The following SLC16A7 variants were observed in gnomAD, a reference collection of about 807,000 sequenced individuals.
The protein encoded by SLC16A7 is solute carrier family 16 member 7.
A neutral mutation model predicts 34.9 loss-of-function variants in SLC16A7; 33 were observed. The observed-to-expected ratio is 0.94, with a 90% confidence interval of 0.72 to 1.26. The LOEUF is 1.26. Among genes scored for constraint, SLC16A7 ranks in the 50% most tolerant of loss-of-function variants. The probability of loss-of-function intolerance (pLI) is 0.00; values close to 1 mark genes in which losing one functional copy is unlikely to be tolerated. For missense variants in SLC16A7, 573 were observed against 578.1 expected, an observed-to-expected ratio of 0.99 and a Z score of 0.09; for synonymous variants, 201 against 206.6, an observed-to-expected ratio of 0.97 and a Z score of 0.23.
intron 2 of SLC16A7, among the ~76,000 whole-genome samples, chr12:59,659,949 G>C (rs1486483437): frequency 6.6e-6 from 1 of 152,068 alleles, no homozygotes; most frequent in Non-Finnish European, 1.5e-5. Context: ...TAGTTGAGAA[G>C]CCTGGGGGTA....
At chr12:59,713,549 G>C (rs765653231) in intron 3 of SLC16A7, among the ~76,000 whole-genome samples, 9 of 152,162 alleles carry the variant, frequency 5.9e-5, no homozygotes, top group African/African-American at 9.7e-5. Context: ...CATTATAATA[G>C]TAGTGACTTT....
intron 1 of SLC16A7, among the ~76,000 whole-genome samples, chr12:59,600,974 C>T (rs947851878): frequency 2.0e-5 from 3 of 152,130 alleles, no homozygotes; most frequent in Admixed American, 6.5e-5. Context: ...AAGGTACTTT[C>T]GTTAAGTTCC....
intron 3 of SLC16A7, among the ~76,000 whole-genome samples, chr12:59,744,505 T>G (rs1878675846): frequency 6.6e-6 from 1 of 152,044 alleles, no homozygotes; most frequent in Admixed American, 6.5e-5. Flanking sequence ...AACAAAATCC[T>G]CCATATTCAC....
chr12:59,699,020 A>T (rs1174263136), intron 2 of SLC16A7, among the ~76,000 whole-genome samples: 3 of 151,748 alleles, frequency 2.0e-5, no homozygotes, highest in Non-Finnish European at 4.4e-5. Context: ...AAGCTATAGC[A>T]GAGTATTCAC....
At chr12:59,598,169 C>T (rs1161792093) in intron 1 of SLC16A7, among the ~76,000 whole-genome samples, 1 of 152,172 alleles carries the variant, frequency 6.6e-6, no homozygotes, top group Non-Finnish European at 1.5e-5. Flanking sequence ...GAGACATTCA[C>T]ATGGAAAAAG....
Position 59,785,444 on chromosome 12 carries a change from T to C in SLC16A7, c.*5765T>C, listed in dbSNP as rs992320338. The C allele has an allele frequency of 6.6e-6, 1 of 152,178 alleles. No homozygotes were observed. The highest frequency in any genetic ancestry group is 2.4e-5 in the African/African-American group (1 of 41,462). The allele number at this position is 152,178 out of a possible 1,614,324, so 9.4% of individuals were successfully genotyped here. On this transcript the variant is annotated 3_prime_UTR_variant, in exon 6 of 6. Coordinates refer to ENST00000547379, the MANE Select transcript of SLC16A7 (RefSeq NM_001270623.2). ...CAAAATTAATATTGCAAAATGAATT[T>C]TTGATTTTACAGAAGCATATGGGAA...
chr12:59,648,797 A>T (rs1421898622), intron 1 of SLC16A7, among the ~76,000 whole-genome samples: 3 of 152,188 alleles, frequency 2.0e-5, no homozygotes, highest in Admixed American at 2.0e-4. Flanking sequence ...AGGCATTCAG[A>T]GTGGCCATGA....
intron 3 of SLC16A7, chr12:59,735,974 C>G: frequency 8.9e-7 from 1 of 1,121,580 alleles, no homozygotes; most frequent in South Asian, 1.5e-5. Context: ...TTAAAGAGAT[C>G]ACCATCTACT....
At chr12:59,685,364 C>T (rs181775852) in intron 2 of SLC16A7, among the ~76,000 whole-genome samples, 279 of 152,140 alleles carry the variant, frequency 1.8e-3, no homozygotes, top group Admixed American at 3.1e-3. Context: ...TTAAAGAATG[C>T]GATGGAAATG....
intron 2 of SLC16A7, among the ~76,000 whole-genome samples, chr12:59,673,101 A>G (rs1440655364): frequency 1.3e-5 from 2 of 152,208 alleles, no homozygotes; most frequent in East Asian, 3.8e-4. Flanking sequence ...TCGCCTCTAT[A>G]ATAAAGTAAC....
chr12:59,669,891 G>C (rs890226601), intron 2 of SLC16A7, among the ~76,000 whole-genome samples: 2 of 152,130 alleles, frequency 1.3e-5, no homozygotes, highest in African/African-American at 2.4e-5. Context: ...TACCTTCCTT[G>C]TCTAGTGTGA....
At chr12:59,606,874 TTATATA>T (rs1490270378) in intron 1 of SLC16A7, among the ~76,000 whole-genome samples, 1 of 150,110 alleles carries the variant, frequency 6.7e-6, no homozygotes, top group Non-Finnish European at 1.5e-5. Context: ...GTGTGTGTGA[TTATATA>T]TATACACACA....
chr12:59,659,558 A>T (rs1051875586), intron 2 of SLC16A7, among the ~76,000 whole-genome samples: 1 of 152,114 alleles, frequency 6.6e-6, no homozygotes, highest in African/African-American at 2.4e-5. Flanking sequence ...TGTTGCTTAA[A>T]TTAGTTAATT....
intron 1 of SLC16A7, among the ~76,000 whole-genome samples, chr12:59,623,765 T>C (rs1879802012): frequency 6.6e-6 from 1 of 151,690 alleles, no homozygotes; most frequent in Non-Finnish European, 1.5e-5. Flanking sequence ...GTCTTACTAT[T>C]TTGCGAAGGA....
chr12:59,598,732 T>C (rs1414559212), intron 1 of SLC16A7, among the ~76,000 whole-genome samples: 3 of 152,218 alleles, frequency 2.0e-5, no homozygotes. Context: ...AAGATTATCT[T>C]TGTCAATGAA....
intron 2 of SLC16A7, among the ~76,000 whole-genome samples, chr12:59,700,816 C>T (rs1008715950): frequency 3.3e-5 from 5 of 151,662 alleles, no homozygotes; most frequent in South Asian, 4.1e-4. Flanking sequence ...AAAATTATTT[C>T]ATATTTTTAG....
chr12:59,714,150 G>A (rs1340413475), intron 3 of SLC16A7, among the ~76,000 whole-genome samples: 12 of 152,158 alleles, frequency 7.9e-5, no homozygotes, highest in African/African-American at 9.7e-5. Flanking sequence ...TGTGAAAGCC[G>A]TGGAAGAGTC....
chr12:59,704,703 G>A, intron 2 of SLC16A7, 69 bp from the exon 3 acceptor site: 1 of 736,878 alleles, frequency 1.4e-6, no homozygotes, highest in East Asian at 2.7e-5. Context: ...TACTATTTTA[G>A]TGACTATGAA....
intron 1 of SLC16A7, among the ~76,000 whole-genome samples, chr12:59,651,043 T>G (rs1371245517): frequency 1.3e-5 from 2 of 152,156 alleles, no homozygotes; most frequent in Non-Finnish European, 2.9e-5. Context: ...CATGCTTCCC[T>G]CAGAGTAAGG....
Sources: allele counts gnomAD v4.1 joint callset (sites outside exome capture counted in the v4.1 genomes callset), GRCh38; gene constraint gnomAD v4.1.1; transcripts MANE v1.5; gene names NCBI Gene and HGNC (gene_info 2026-07-23, HGNC 2026-07-21).